The following PHLDA1 variants were observed in gnomAD, a reference collection of about 807,000 sequenced individuals.
PHLDA1 encodes the protein pleckstrin homology-like domain family A member 1.
A neutral mutation model predicts 33.8 loss-of-function variants in PHLDA1; 28 were observed. That is an observed-to-expected ratio of 0.83 (90% confidence interval 0.61 to 1.14). The LOEUF (loss-of-function observed/expected upper bound fraction) is 1.14, where lower values mean the gene tolerates loss of function less well. Ranked by LOEUF, PHLDA1 falls within the 50% of genes most tolerant of loss-of-function variation. PHLDA1 has a pLI of 0.00. For missense variants in PHLDA1, 595 were observed against 548.6 expected, an observed-to-expected ratio of 1.08 and a Z score of -0.84; for synonymous variants, 271 against 243.6, an observed-to-expected ratio of 1.11 and a Z score of -1.05.
exon 1 of PHLDA1, chr12:76,030,820 G>C (rs781512342): frequency 3.2e-6 from 5 of 1,563,500 alleles, no homozygotes; most frequent in East Asian, 2.4e-5. Context: ...GGCTGCGAGG[G>C]GGGCTGCTGC....
chr12:76,031,116 G>C lies in PHLDA1; in HGVS notation c.626C>G (p.Pro209Arg), dbSNP rs1375868776. ...GCCACTGGGTTGGGACGGCTCGGCCGGCCCCTGCCCGGGCTGTTGTTGCTG... is the reference window on the plus strand; with the variant it reads ...GCCACTGGGTTGGGACGGCTCGGCCCGCCCCTGCCCGGGCTGTTGTTGCTG... Residue 209 changes from proline (P) to arginine (R), a missense_variant, in exon 1 of 2, where the codon CCG (proline) becomes CGG (arginine). By Grantham distance (103) the Pro-to-Arg change is moderately radical. Transcript: ENST00000266671. This position sits in a 1 kb window ranked among gnomAD's most constrained non-coding sequence, Gnocchi z 5.4. The C allele has an allele frequency of 4.4e-6, 7 of 1,608,850 alleles. No individual in the cohort carries two copies. The highest frequency in any genetic ancestry group is 5.9e-6 in the Non-Finnish European group (7 of 1,179,640).
intron 1 of PHLDA1, among the ~76,000 whole-genome samples, 198 bp from the exon 2 acceptor site, chr12:76,030,290 G>GGGCGCC (rs1870862553): frequency 6.6e-6 from 1 of 152,134 alleles, no homozygotes; most frequent in Non-Finnish European, 1.5e-5. Flanking sequence ...GCGCGGGCGC[G>GGGCGCC]GTCCGCGAGG....
chr12:76,030,300 GC>G (rs1195611658), intron 1 of PHLDA1, among the ~76,000 whole-genome samples: 2 of 152,196 alleles, frequency 1.3e-5, no homozygotes, highest in African/African-American at 4.8e-5. Flanking sequence ...GGTCCGCGAG[GC>G]CCCCTGCCTG....
At chr12:76,029,825 A>C (rs1408347978) in exon 2 of PHLDA1, 1 of 152,668 alleles carries the variant, frequency 6.6e-6, no homozygotes, top group Non-Finnish European at 1.5e-5. Context: ...AAAATACATT[A>C]AAATAAAATT....
At chr12:76,029,133 TTCAAG>T (rs1870835327) in exon 2 of PHLDA1, 1 of 152,184 alleles carries the variant, frequency 6.6e-6, no homozygotes, top group Non-Finnish European at 1.5e-5. Context: ...GAAAATGTGG[TTCAAG>T]TCAAGTGTGC....
At chr12:76,028,281 T>C (rs547621018) in exon 2 of PHLDA1, 7 of 152,220 alleles carry the variant, frequency 4.6e-5, no homozygotes, top group Non-Finnish European at 7.3e-5. Context: ...CATATATACA[T>C]ATGAAACAAG....
At chr12:76,025,460 T>C (rs2136922840) in exon 2 of PHLDA1, 1 of 152,280 alleles carries the variant, frequency 6.6e-6, no homozygotes. Flanking sequence ...GTTGTCTCAA[T>C]AGATAACTTT....
chr12:76,027,944 A>T (rs905238765), exon 2 of PHLDA1: 2 of 151,738 alleles, frequency 1.3e-5, no homozygotes, highest in African/African-American at 4.8e-5. Flanking sequence ...TAAAACCTAC[A>T]TCAATCTTAA....
chr12:76,026,618 C>A (rs1459790362), exon 2 of PHLDA1: 1 of 151,146 alleles, frequency 6.6e-6, no homozygotes, highest in African/African-American at 2.4e-5. Context: ...TCATTGGAGA[C>A]AAAAAAAACA....
At chr12:76,029,481 T>C (rs1870845511) in exon 2 of PHLDA1, 1 of 152,234 alleles carries the variant, frequency 6.6e-6, no homozygotes, top group Non-Finnish European at 1.5e-5. Flanking sequence ...ATTTTCATAA[T>C]TACACCATTT....
In PHLDA1 at chr12:76,031,017, C is replaced by G. The variant is rs1034867249; in HGVS notation, c.725G>C (p.Cys242Ser). 1.9e-6 allele frequency: 3 copies of G among 1,613,218 alleles called. No homozygotes were observed. The highest frequency in any genetic ancestry group is 2.5e-6 in the Non-Finnish European group (3 of 1,179,984). The change falls in exon 1 of 2, where the codon TGT becomes TCT. Residue 242 changes from cysteine (C) to serine (S), a missense_variant. Cys to Ser is a moderately radical substitution (Grantham distance 112). Coordinates refer to ENST00000266671, the Ensembl canonical transcript of PHLDA1. This position sits in a 1 kb window ranked among gnomAD's most constrained non-coding sequence, Gnocchi z 5.4. ...CATGTACTTGCCCTTGCGCTCCACACAGTCCACGGTCTTCATGTTGGAGAA... is the reference window on the plus strand; with the variant it reads ...CATGTACTTGCCCTTGCGCTCCACAGAGTCCACGGTCTTCATGTTGGAGAA...
At position 76,031,265 on chromosome 12, in the gene PHLDA1, G is replaced by A. The variant is rs760826170; in HGVS notation, c.477C>T (p.Arg159=). ...TCCAGAGCTGCAACAACCCGTCGCT[G>A]CGCTTCTCCAGCACGCCCTCCTTCA... Residue 159 remains arginine, a synonymous_variant, in exon 1 of 2, where the codon CGC becomes CGT. Coordinates refer to ENST00000266671, the Ensembl canonical transcript of PHLDA1. The surrounding 1 kb of genome is among the most constrained non-coding windows in gnomAD (Gnocchi z 5.4). 6.2e-7 allele frequency: 1 copy of A among 1,613,836 alleles called. No homozygotes were observed.
chr12:76,030,633 G>A (rs1399530760), exon 1 of PHLDA1: 3 of 1,504,408 alleles, frequency 2.0e-6, no homozygotes, highest in Non-Finnish European at 1.8e-6. Flanking sequence ...ATGCGGGTGC[G>A]GGTGAGGGTG....
At position 76,031,661 on chromosome 12, in the gene PHLDA1, C is replaced by T. The variant is rs564932662; in HGVS notation, c.81G>A (p.Pro27=). 9.9e-6 allele frequency: 15 copies of T among 1,508,772 alleles called. No individual in the cohort carries two copies. The highest frequency in any genetic ancestry group is 1.3e-5 in the Non-Finnish European group (15 of 1,129,464). The allele number at this position is 1,508,772 out of a possible 1,614,324, so 93.5% of individuals were successfully genotyped here. ...TTCCCCACCCCCGAGTGACACCCAG[C>T]GGAAAAGGCGGCTCCTGGCGCCCGC... The change falls in exon 1 of 2, where the codon CCG becomes CCA. Residue 27 remains proline, a synonymous_variant. Coordinates refer to ENST00000266671, the Ensembl canonical transcript of PHLDA1. This position sits in a 1 kb window ranked among gnomAD's most constrained non-coding sequence, Gnocchi z 5.4.
chr12:76,031,158 TG>T lies in PHLDA1; in HGVS notation c.583del (p.Gln195AsnfsTer43), dbSNP rs1395392755. 13 of 57,472 alleles carry T rather than the reference TG, an allele frequency of 2.3e-4. No homozygotes were observed. The highest frequency in any genetic ancestry group is 2.5e-4 in the Non-Finnish European group (13 of 52,270). 3.6% of individuals were successfully genotyped at this position (57,472 alleles called of 1,614,324 possible). A position where few individuals can be genotyped will look rare whatever the true frequency, so the allele number is the denominator to read the frequency against. ...TTGTTGCTGCTGCTGCTGCTGCTGT[TG>T]CTGCTGCTGCTGCTGGTGTTGCAGC... On this transcript the variant is annotated frameshift_variant, in exon 1 of 2. Coordinates refer to ENST00000266671, the Ensembl canonical transcript of PHLDA1. LOFTEE classifies it high-confidence loss of function. This position sits in a 1 kb window ranked among gnomAD's most constrained non-coding sequence, Gnocchi z 5.4.
chr12:76,030,609 G>A (rs759154999), exon 1 of PHLDA1: 2 of 1,598,928 alleles, frequency 1.3e-6, no homozygotes, highest in Non-Finnish European at 1.7e-6. Context: ...GTGTGGGTGC[G>A]GTATTTGGTG....
chr12:76,030,638 AGGGTGTGGGTGC>A (rs775821885), exon 1 of PHLDA1: 1 of 1,465,008 alleles, frequency 6.8e-7, no homozygotes, highest in Non-Finnish European at 9.5e-7. Flanking sequence ...GGTGCGGGTG[AGGGTGTGGGTGC>A]GAGTGAGGAT....
exon 2 of PHLDA1, chr12:76,026,969 A>G (rs1870786780): frequency 6.6e-6 from 1 of 152,236 alleles, no homozygotes; most frequent in African/African-American, 2.4e-5. Context: ...TTGTCCCAAC[A>G]GTTATTGAGC....
At chr12:76,030,611 T>C (rs767253759) in exon 1 of PHLDA1, 6 of 1,588,146 alleles carry the variant, frequency 3.8e-6, no homozygotes, top group Non-Finnish European at 5.2e-6. Context: ...GTGGGTGCGG[T>C]ATTTGGTGCG....
Sources: allele counts gnomAD v4.1 joint callset (sites outside exome capture counted in the v4.1 genomes callset), GRCh38; gene constraint gnomAD v4.1.1; non-coding constraint Gnocchi (gnomAD v3.1); transcripts MANE v1.5; gene names NCBI Gene and HGNC (gene_info 2026-07-23, HGNC 2026-07-21).